Variants in FXR2 observed in about 807,000 individuals in gnomAD.
The protein encoded by FXR2 is FMR1 autosomal homolog 2.
In FXR2, 9 loss-of-function variants were observed where a neutral mutation model predicts 87.3. The observed-to-expected ratio is 0.10, with a 90% CI of 0.06 to 0.18. The LOEUF (loss-of-function observed/expected upper bound fraction) is 0.18. FXR2 is among the 10% of genes least tolerant of loss of function. FXR2 has a pLI of 1.00. For missense variants in FXR2, 661 were observed against 893.6 expected (o/e 0.74, Z 3.32); for synonymous variants, 331 against 328.3 (o/e 1.01, Z -0.09).
intron 5 of FXR2, 44 bp from the exon 6 acceptor site, chr17:7,603,046 C>T (rs530283315): frequency 1.0e-6 from 1 of 969,180 alleles, no homozygotes; most frequent in Non-Finnish European, 1.6e-6. Context: ...GCAGAGAGTA[C>T]AGTGAAGAGT....
intron 1 of FXR2, among the ~76,000 whole-genome samples, chr17:7,606,732 T>C (rs1407056270): frequency 1.3e-5 from 2 of 152,184 alleles, no homozygotes; most frequent in Non-Finnish European, 2.9e-5. Context: ...GGTTTTTTAA[T>C]ACTAGAATTG....
chr17:7,603,807 T>G lies in FXR2; in HGVS notation c.399A>C (p.Lys133Asn). Residue 133 changes from lysine (K) to asparagine (N), a missense_variant, in exon 5 of 17, where the codon AAA becomes AAC. Physicochemically the swap from Lys to Asn is moderately conservative, Grantham distance 94. Transcript: ENST00000250113. Reference protein sequence around the residue: ...RPVNPNPLATKGSFFKVTMAV... With the variant: ...RPVNPNPLATNGSFFKVTMAV... ...CCATGGTAACCTTGAAGAAGCTGCCTTTGGTTGCAAGGGGATTGGGATTAA... is the reference window on the plus strand; with the variant it reads ...CCATGGTAACCTTGAAGAAGCTGCCGTTGGTTGCAAGGGGATTGGGATTAA... The G allele has an allele frequency of 6.2e-7, 1 of 1,613,932 alleles. No individual in the cohort carries two copies. Among genetic ancestry groups the G allele is most frequent in the South Asian group, 1.1e-5 (1 of 91,078 alleles).
chr17:7,613,028 A>T (rs1018036378), intron 1 of FXR2, among the ~76,000 whole-genome samples: 13 of 149,968 alleles, frequency 8.7e-5, no homozygotes, highest in Non-Finnish European at 1.8e-4. Context: ...AAAAATGACT[A>T]CAATGCACTT....
intron 1 of FXR2, among the ~76,000 whole-genome samples, chr17:7,609,961 TATAC>T (rs2071841300): frequency 9.1e-6 from 1 of 109,464 alleles, no homozygotes; most frequent in Non-Finnish European, 2.3e-5. Flanking sequence ...TATACATATA[TATAC>T]ATGTATATGT....
chr17:7,609,968 G>GTATATGTATACATA (rs2071842085), intron 1 of FXR2, among the ~76,000 whole-genome samples: 1 of 93,264 alleles, frequency 1.1e-5, no homozygotes, highest in South Asian at 3.1e-4. Context: ...ATATATACAT[G>GTATATGTATACATA]TATATGTATA....
At chr17:7,607,365 G>A (rs2071811505) in intron 1 of FXR2, among the ~76,000 whole-genome samples, 1 of 151,244 alleles carries the variant, frequency 6.6e-6, no homozygotes, top group African/African-American at 2.4e-5. Context: ...CCTAATCCAA[G>A]GCCACAAAGG....
Position 7,592,525 on chromosome 17 carries a change from T to C in FXR2, c.1804A>G (p.Ile602Val), listed in dbSNP as rs554393214. Residue 602 changes from isoleucine (I) to valine (V), a missense_variant, in exon 15 of 17, where the codon ATC (isoleucine) becomes GTC (valine). Coordinates refer to ENST00000250113, the MANE Select transcript of FXR2 (RefSeq NM_004860.4). The surrounding 1 kb of genome is among the most constrained non-coding windows in gnomAD (Gnocchi z 4.8). ...TGACCTGGCTGGCGGTCTCCACTGATAGAGCCATCAGTCCGATTACCACGG... is the reference window on the plus strand; with the variant it reads ...TGACCTGGCTGGCGGTCTCCACTGACAGAGCCATCAGTCCGATTACCACGG... The part of the protein sequence containing the change: ...RNRGNRTDGS[I>V]SGDRQPVTVA... 26 of 1,613,964 alleles carry C rather than the reference T, an allele frequency of 1.6e-5. No individual in the cohort carries two copies. The East Asian group carries it at 5.1e-4, about 32-fold the overall frequency.
At chr17:7,605,534 A>G (rs2071796072) in intron 3 of FXR2, 111 bp downstream of exon 3, 2 of 649,774 alleles carry the variant, frequency 3.1e-6, no homozygotes, top group Non-Finnish European at 5.6e-6. Context: ...TCCATAGGCT[A>G]CATGGCTGGA....
At chr17:7,603,637 T>C in intron 5 of FXR2, 120 bp downstream of exon 5, 1 of 842,414 alleles carries the variant, frequency 1.2e-6, no homozygotes, top group Non-Finnish European at 1.9e-6. Flanking sequence ...AGAAGGGCTC[T>C]AGTAGAGGGC....
chr17:7,593,640 G>A lies in FXR2; in HGVS notation c.1108-15C>T. ...TGCTCTACCTCCTGGTTGGGTAAAA[G>A]ATGGAAGAAGGGGAAGGAGAAATAA... On this transcript the variant is annotated splice_polypyrimidine_tract_variant and intron_variant, in intron 11 of 16. Coordinates refer to ENST00000250113, the MANE Select transcript of FXR2 (RefSeq NM_004860.4). This position sits in a 1 kb window ranked among gnomAD's most constrained non-coding sequence, Gnocchi z 6.1. 6.5e-7 allele frequency: 1 copy of A among 1,530,962 alleles called. No individual in the cohort carries two copies. The highest frequency in any genetic ancestry group is 1.9e-5 in the Admixed American group (1 of 52,926). The allele number at this position is 1,530,962 out of a possible 1,614,324, so 94.8% of individuals were successfully genotyped here.
chr17:7,613,386 G>A (rs2071893127), intron 1 of FXR2, among the ~76,000 whole-genome samples: 2 of 152,276 alleles, frequency 1.3e-5, no homozygotes, highest in Admixed American at 1.3e-4. Flanking sequence ...TGGGAGGCAA[G>A]AAAGGGCTCT....
Position 7,595,953 on chromosome 17 carries a change from T to C in FXR2, c.702A>G (p.Thr234=), listed in dbSNP as rs747880976. Residue 234 remains threonine, a synonymous_variant, in exon 8 of 17, where the codon ACA becomes ACG. Transcript: ENST00000250113. The surrounding 1 kb of genome is among the most constrained non-coding windows in gnomAD (Gnocchi z 4.7). ...QLAAAFQEEF[T]VREDLMGLAI... is the part of the protein sequence containing the mutation. ...CCAGTCCCATCAGGTCCTCTCGCAC[T>C]GTGAACTCCTCTTGGAAGGCTGCTG... 1 of 1,613,756 alleles carries C rather than the reference T, an allele frequency of 6.2e-7. No homozygotes were observed. Among genetic ancestry groups the C allele is most frequent in the Admixed American group, 1.7e-5 (1 of 59,996 alleles).
Position 7,592,409 on chromosome 17 carries a change from G to T in FXR2, c.1826-55C>A. 2.0e-6 allele frequency: 3 copies of T among 1,532,444 alleles called. No homozygotes were observed. Among genetic ancestry groups the T allele is most frequent in the Non-Finnish European group, 2.7e-6 (3 of 1,105,594 alleles). 94.9% of individuals were successfully genotyped at this position (1,532,444 alleles called of 1,614,324 possible). A position where few individuals can be genotyped will look rare whatever the true frequency, so the allele number is the denominator to read the frequency against. On this transcript the variant is annotated intron_variant, in intron 15 of 16. Transcript: ENST00000250113. The surrounding 1 kb of genome is among the most constrained non-coding windows in gnomAD (Gnocchi z 4.8). ...GATGGAATTCTGGTAGCCAGCCTAA[G>T]ACACCCACTGAACCCGAACCCCTGA...
Position 7,592,769 on chromosome 17 carries a change from G to C in FXR2, c.1654C>G (p.Arg552Gly), listed in dbSNP as rs377561745. The change falls in exon 14 of 17, where the codon CGC (arginine) becomes GGC (glycine). Residue 552 changes from arginine to glycine, a missense_variant. By Grantham distance (125) the Arg-to-Gly change is moderately radical. Transcript: ENST00000250113. This position sits in a 1 kb window ranked among gnomAD's most constrained non-coding sequence, Gnocchi z 4.8. The part of the protein sequence containing the change: ...SARRRRSRRR[R>G]TDEDRTVMDG... Reference sequence around the variant, plus strand: ...ATGACGGTCCTGTCTTCATCAGTGCGGCGGCGGCGGGAGCGGCGGCGCCTG... The same window carrying C: ...ATGACGGTCCTGTCTTCATCAGTGCCGCGGCGGCGGGAGCGGCGGCGCCTG... 6.2e-7 allele frequency: 1 copy of C among 1,611,946 alleles called. No individual in the cohort carries two copies. Among genetic ancestry groups the C allele is most frequent in the African/African-American group, 1.3e-5 (1 of 74,786 alleles).
intron 5 of FXR2, among the ~76,000 whole-genome samples, chr17:7,603,215 G>T (rs1280828996): frequency 1.3e-5 from 2 of 151,778 alleles, no homozygotes; most frequent in African/African-American, 4.8e-5. Flanking sequence ...AGAGAAGCAG[G>T]GCTGAGTAAA....
intron 5 of FXR2, among the ~76,000 whole-genome samples, chr17:7,603,475 C>T (rs753133395): frequency 6.2e-5 from 9 of 145,528 alleles, no homozygotes; most frequent in East Asian, 2.0e-4. Flanking sequence ...TGCGGTGAGC[C>T]GAGATTGTGC....
At position 7,594,808 on chromosome 17, in the gene FXR2, T is replaced by A. The variant is rs936227910; in HGVS notation, c.832-51A>T. 5.3e-6 allele frequency: 6 copies of A among 1,122,540 alleles called. 1 individual carries two copies. The highest frequency in any genetic ancestry group is 4.6e-5 in the African/African-American group (3 of 65,672). 69.5% of individuals were successfully genotyped at this position (1,122,540 alleles called of 1,614,324 possible). ...TTACTAAAACAGAAGACCAGCTGGA[T>A]GTGGTGGCTCACGCCTGTAATCCCA... On this transcript the variant is annotated intron_variant, in intron 8 of 16. Transcript: ENST00000250113. The surrounding 1 kb of genome is among the most constrained non-coding windows in gnomAD (Gnocchi z 5.1).
At position 7,614,618 on chromosome 17, in the gene FXR2, G is replaced by C. The variant is rs2071927223; in HGVS notation, c.-86C>G. The C allele has an allele frequency of 1.2e-6, 1 of 814,584 alleles. No individual in the cohort carries two copies. The highest frequency in any genetic ancestry group is 4.4e-5 in the Admixed American group (1 of 22,786). The allele number at this position is 814,584 out of a possible 1,614,324, so 50.5% of individuals were successfully genotyped here. A position where few individuals can be genotyped will look rare whatever the true frequency, so the allele number is the denominator to read the frequency against. On this transcript the variant is annotated 5_prime_UTR_variant, in exon 1 of 17. Coordinates refer to ENST00000250113, the MANE Select transcript of FXR2 (RefSeq NM_004860.4). ...CGGGCCAGGCCCCCGGCGTCTCCCC[G>C]GAGGAGGAGCCGGAGGGGGAGCCGC...
intron 1 of FXR2, among the ~76,000 whole-genome samples, chr17:7,608,930 G>C (rs932861734): frequency 6.6e-6 from 1 of 152,120 alleles, no homozygotes; most frequent in Non-Finnish European, 1.5e-5. Context: ...ACAACACAGG[G>C]AAACCTCATC....
Sources: allele counts gnomAD v4.1 joint callset (sites outside exome capture counted in the v4.1 genomes callset), GRCh38; gene constraint gnomAD v4.1.1; non-coding constraint Gnocchi (gnomAD v3.1); transcripts MANE v1.5; gene names NCBI Gene and HGNC (gene_info 2026-07-23, HGNC 2026-07-21).